ESRRG: variants seen among roughly 807,000 people sequenced by gnomAD.
ESRRG encodes estrogen related receptor gamma, also known as estrogen-related receptor gamma.
In ESRRG, 13 loss-of-function variants were observed where a neutral mutation model predicts 44.0. The ratio of observed to expected loss-of-function variants is 0.30; its 90% CI spans 0.19 to 0.47. ESRRG has a LOEUF of 0.47. Among genes scored for constraint, ESRRG ranks in the 20% least tolerant of loss-of-function variants. The pLI is 1.00. For missense variants in ESRRG, 395 were observed against 580.6 expected (o/e 0.68, Z 3.29); for synonymous variants, 215 against 214.6 (o/e 1.00, Z -0.02).
At chr1:216,833,896 C>T (rs150246904) in intron 2 of ESRRG, among the ~76,000 whole-genome samples, 4 of 152,288 alleles carry the variant, frequency 2.6e-5, no homozygotes, top group Non-Finnish European at 5.9e-5. Flanking sequence ...CCAACTGTCA[C>T]TTATGGAGTT....
At chr1:217,120,609 C>T (rs1442264345) in intron 1 of ESRRG, among the ~76,000 whole-genome samples, 2 of 152,144 alleles carry the variant, frequency 1.3e-5, no homozygotes, top group Non-Finnish European at 2.9e-5. Flanking sequence ...TATCCTGTAC[C>T]TCACTCTGCC....
At chr1:217,055,686 C>A (rs1006631268) in intron 1 of ESRRG, among the ~76,000 whole-genome samples, 1 of 152,090 alleles carries the variant, frequency 6.6e-6, no homozygotes, top group Non-Finnish European at 1.5e-5. Flanking sequence ...GTCTGCCACA[C>A]AGGGTCATTC....
At chr1:216,593,908 T>C (rs1484750160) in intron 3 of ESRRG, among the ~76,000 whole-genome samples, 1 of 152,082 alleles carries the variant, frequency 6.6e-6, no homozygotes, top group Non-Finnish European at 1.5e-5. Flanking sequence ...ATTTTTTTTA[T>C]TGTTGTAGAG....
At position 217,085,119 on chromosome 1, in the gene ESRRG, T is replaced by G. The variant is rs1385765624; in HGVS notation, c.-106+4388A>C. Among the ~76,000 whole-genome samples the G allele has an allele frequency of 6.6e-5, 5 of 76,128 alleles. No individual in the cohort carries two copies. The East Asian group carries it at 3.1e-3, about 47-fold the overall frequency. The allele number at this position is 76,128 out of a possible 152,430, so 49.9% of individuals were successfully genotyped here. On this transcript the variant is annotated intron_variant, in intron 1 of 7. Transcript: ENST00000359162. ...GGGTTGTGAATCAAGGATGAGTAAA[T>G]GAATGGTATCTAACCTCCAAGAAAA...
At chr1:217,112,522 G>A (rs570198025) in intron 1 of ESRRG, among the ~76,000 whole-genome samples, 19 of 152,266 alleles carry the variant, frequency 1.2e-4, no homozygotes, top group African/African-American at 4.6e-4. Context: ...TGTACCTAAA[G>A]GTCTTCAGGA....
chr1:216,663,794 T>C (rs966032602), intron 2 of ESRRG, among the ~76,000 whole-genome samples: 7 of 147,816 alleles, frequency 4.7e-5, no homozygotes, highest in Non-Finnish European at 9.2e-5. Context: ...CTTCCTAAAA[T>C]AAATAATTAA....
At chr1:216,968,009 GTCTA>G (rs2070822108) in intron 1 of ESRRG, among the ~76,000 whole-genome samples, 2 of 152,082 alleles carry the variant, frequency 1.3e-5, no homozygotes, top group African/African-American at 4.8e-5. Context: ...GATGTTGATT[GTCTA>G]TCTTATTTGC....
intron 2 of ESRRG, among the ~76,000 whole-genome samples, chr1:216,667,254 G>A (rs1188422547): frequency 6.6e-6 from 1 of 152,144 alleles, no homozygotes; most frequent in African/African-American, 2.4e-5. Flanking sequence ...TTAAGTATGC[G>A]TGTGTAAAGA....
At chr1:216,855,648 T>G (rs926792603) in intron 2 of ESRRG, among the ~76,000 whole-genome samples, 14 of 152,274 alleles carry the variant, frequency 9.2e-5, no homozygotes, top group African/African-American at 3.4e-4. Flanking sequence ...GGAAGAGTCC[T>G]CTCTGTGACA....
chr1:216,892,898 G>A lies in ESRRG; in HGVS notation c.-14+46684C>T, dbSNP rs1310121362. Among the ~76,000 whole-genome samples, 3 of 152,006 alleles carry A rather than the reference G, an allele frequency of 2.0e-5. No homozygotes were observed. The East Asian group carries it at 5.8e-4, about 29-fold the overall frequency. On this transcript the variant is annotated intron_variant, in intron 2 of 7. Transcript: ENST00000359162. The stretch of plus-strand genomic sequence containing the variant: ...ACTCTTTGCGTTCTTAATATATGAT[G>A]GCCAACCTTGCCTTGTTTTAAGGCG...
chr1:216,978,005 T>C (rs1251195245), intron 1 of ESRRG, among the ~76,000 whole-genome samples: 2 of 152,138 alleles, frequency 1.3e-5, no homozygotes, highest in African/African-American at 4.8e-5. Context: ...ACTGGAACCA[T>C]GCTCTTGGAT....
At chr1:216,719,796 G>T (rs1228878108) in intron 1 of ESRRG, among the ~76,000 whole-genome samples, 1 of 151,954 alleles carries the variant, frequency 6.6e-6, no homozygotes, top group African/African-American at 2.4e-5. Flanking sequence ...GTTAATTACC[G>T]CTGCAACACA....
chr1:216,799,969 C>A (rs928587025), intron 2 of ESRRG, among the ~76,000 whole-genome samples: 1 of 152,026 alleles, frequency 6.6e-6, no homozygotes, highest in Non-Finnish European at 1.5e-5. Flanking sequence ...CATTTATTTG[C>A]AAATAAAAAT....
chr1:216,970,544 G>A (rs141883203), intron 1 of ESRRG, among the ~76,000 whole-genome samples: 1 of 152,038 alleles, frequency 6.6e-6, no homozygotes, highest in Non-Finnish European at 1.5e-5. Context: ...TTTCTCTCTG[G>A]TCCTCACACC....
At chr1:217,027,731 G>T (rs2081436494) in intron 1 of ESRRG, among the ~76,000 whole-genome samples, 2 of 152,110 alleles carry the variant, frequency 1.3e-5, no homozygotes, top group South Asian at 2.1e-4. Context: ...GAACACAGGA[G>T]GTAAAGCTTG....
chr1:216,508,874 G>C (rs969117078), intron 6 of ESRRG, among the ~76,000 whole-genome samples: 2 of 152,166 alleles, frequency 1.3e-5, no homozygotes, highest in South Asian at 4.1e-4. Context: ...GTGCATAAGG[G>C]AACAGAGATG....
intron 2 of ESRRG, among the ~76,000 whole-genome samples, chr1:216,931,971 C>T (rs544874183): frequency 5.9e-5 from 9 of 152,052 alleles, no homozygotes; most frequent in South Asian, 2.1e-4. Context: ...TTTGGGAGGC[C>T]GAGGCAGGCA....
At chr1:216,659,920 A>G (rs1410568891) in intron 2 of ESRRG, among the ~76,000 whole-genome samples, 3 of 152,168 alleles carry the variant, frequency 2.0e-5, no homozygotes, top group Non-Finnish European at 4.4e-5. Flanking sequence ...GGTCAAGTCA[A>G]TGACCCATAG....
intron 2 of ESRRG, among the ~76,000 whole-genome samples, chr1:216,849,638 C>T (rs1381822080): frequency 6.6e-6 from 1 of 152,034 alleles, no homozygotes; most frequent in Non-Finnish European, 1.5e-5. Context: ...CTACTGGGAA[C>T]AATCTGCTTG....
Sources: allele counts gnomAD v4.1 joint callset (sites outside exome capture counted in the v4.1 genomes callset), GRCh38; gene constraint gnomAD v4.1.1; transcripts MANE v1.5; gene names NCBI Gene and HGNC (gene_info 2026-07-23, HGNC 2026-07-21).